COX7B2: variants seen among roughly 807,000 people sequenced by gnomAD.
The protein encoded by COX7B2 is cytochrome c oxidase subunit 7B2, mitochondrial.
For synonymous variants in COX7B2, 37 were observed against 32.1 expected (o/e 1.15, Z -0.51); for missense variants, 109 against 95.9 (o/e 1.14, Z -0.57).
At chr4:46,859,301 G>A (rs1717202023) in intron 1 of COX7B2, among the ~76,000 whole-genome samples, 1 of 152,004 alleles carries the variant, frequency 6.6e-6, no homozygotes. Flanking sequence ...TCACAATGTT[G>A]ACTCAACTGC....
At chr4:46,896,662 G>T (rs986450562) in intron 1 of COX7B2, among the ~76,000 whole-genome samples, 2 of 151,714 alleles carry the variant, frequency 1.3e-5, no homozygotes, top group African/African-American at 4.8e-5. Context: ...AAAAGGACTA[G>T]AAGAACAAGA....
At chr4:46,763,133 T>A (rs1716315554) in intron 2 of COX7B2, among the ~76,000 whole-genome samples, 1 of 94,820 alleles carries the variant, frequency 1.1e-5, no homozygotes, top group African/African-American at 4.0e-5. Context: ...ATAATTATAA[T>A]TGTATAATTA....
intron 2 of COX7B2, among the ~76,000 whole-genome samples, chr4:46,813,739 A>G (rs1013163605): frequency 2.0e-5 from 3 of 152,210 alleles, no homozygotes; most frequent in Non-Finnish European, 2.9e-5. Flanking sequence ...AGAAACAATC[A>G]ACAGAGTAAA....
chr4:46,825,808 G>A (rs576254832), intron 2 of COX7B2, among the ~76,000 whole-genome samples: 1 of 152,226 alleles, frequency 6.6e-6, no homozygotes, highest in East Asian at 1.9e-4. Flanking sequence ...AAATGGCGCT[G>A]GGATAACTGA....
intron 2 of COX7B2, among the ~76,000 whole-genome samples, chr4:46,831,980 A>G (rs1715145169): frequency 2.0e-5 from 3 of 152,044 alleles, no homozygotes; most frequent in Admixed American, 2.0e-4. Context: ...CTAGCTCAGG[A>G]ATGGTAAATG....
intron 1 of COX7B2, among the ~76,000 whole-genome samples, chr4:46,847,582 A>G (rs1458020611): frequency 2.0e-5 from 3 of 152,114 alleles, no homozygotes; most frequent in Non-Finnish European, 2.9e-5. Flanking sequence ...ATTAAAAAAA[A>G]GTCTGTTATT....
At chr4:46,839,239 T>G (rs1715759831) in intron 2 of COX7B2, among the ~76,000 whole-genome samples, 1 of 151,934 alleles carries the variant, frequency 6.6e-6, no homozygotes, top group Non-Finnish European at 1.5e-5. Context: ...CTGCCTGATG[T>G]TTTGATGTCT....
At chr4:46,786,907 A>T (rs1479360778) in intron 2 of COX7B2, among the ~76,000 whole-genome samples, 1 of 152,184 alleles carries the variant, frequency 6.6e-6, no homozygotes, top group African/African-American at 2.4e-5. Flanking sequence ...CTGGGCAAAG[A>T]ACCCACCCTC....
chr4:46,750,043 C>A (rs923759030), intron 2 of COX7B2, among the ~76,000 whole-genome samples: 1 of 152,098 alleles, frequency 6.6e-6, no homozygotes, highest in Non-Finnish European at 1.5e-5. Flanking sequence ...TATGTTCTAT[C>A]CAATTCCACA....
chr4:46,904,882 T>A (rs981850919), intron 1 of COX7B2, among the ~76,000 whole-genome samples: 1 of 152,180 alleles, frequency 6.6e-6, no homozygotes, highest in African/African-American at 2.4e-5. Flanking sequence ...GAACATGGAT[T>A]CCTATTTGTA....
intron 1 of COX7B2, among the ~76,000 whole-genome samples, chr4:46,901,117 A>T (rs997645694): frequency 6.6e-6 from 1 of 152,204 alleles, no homozygotes; most frequent in Admixed American, 6.5e-5. Flanking sequence ...CTGGTTTCAG[A>T]AAAAGCATAT....
chr4:46,763,655 G>T (rs1716355118), intron 2 of COX7B2, among the ~76,000 whole-genome samples: 1 of 152,162 alleles, frequency 6.6e-6, no homozygotes, highest in African/African-American at 2.4e-5. Context: ...CAAATGAAGA[G>T]ATCCAGCAAG....
chr4:46,785,386 T>G (rs1717698592), intron 2 of COX7B2, among the ~76,000 whole-genome samples: 1 of 151,982 alleles, frequency 6.6e-6, no homozygotes, highest in South Asian at 2.1e-4. Context: ...TTTTTTTTTT[T>G]TTTTTGAGAC....
chr4:46,757,271 A>G (rs1237671499), intron 2 of COX7B2, among the ~76,000 whole-genome samples: 2 of 146,106 alleles, frequency 1.4e-5, no homozygotes, highest in African/African-American at 5.0e-5. Context: ...GTACACATGC[A>G]TATACAGAGT....
At chr4:46,791,171 TG>T (rs1718023726) in intron 2 of COX7B2, among the ~76,000 whole-genome samples, 1 of 151,354 alleles carries the variant, frequency 6.6e-6, no homozygotes, top group South Asian at 2.1e-4. Context: ...GCTAATTTTT[TG>T]TATTTTTTTT....
chr4:46,846,927 T>C (rs1308777993), intron 1 of COX7B2, among the ~76,000 whole-genome samples: 6 of 151,732 alleles, frequency 4.0e-5, no homozygotes. Flanking sequence ...AAACAGGTGA[T>C]TGGTGGGAAA....
At chr4:46,766,090 G>C (rs906933760) in intron 2 of COX7B2, among the ~76,000 whole-genome samples, 2 of 152,134 alleles carry the variant, frequency 1.3e-5, no homozygotes, top group Admixed American at 1.3e-4. Context: ...CAACACAAAG[G>C]ATGACAGAGT....
chr4:46,817,588 A>G (rs1456632734), intron 2 of COX7B2, among the ~76,000 whole-genome samples: 1 of 152,232 alleles, frequency 6.6e-6, no homozygotes, highest in East Asian at 1.9e-4. Flanking sequence ...CATTCTGAAT[A>G]ATTACATAAT....
chr4:46,798,885 C>T (rs1168166236), intron 2 of COX7B2, among the ~76,000 whole-genome samples: 1 of 152,174 alleles, frequency 6.6e-6, no homozygotes, highest in African/African-American at 2.4e-5. Context: ...TCTTAGTCTA[C>T]ACCAGTGGCC....
Sources: gnomAD v4.1 joint callset for allele counts (sites outside exome capture counted in the v4.1 genomes callset) on GRCh38, gnomAD v4.1.1 for gene constraint, MANE v1.5 for transcripts, NCBI Gene and HGNC (gene_info 2026-07-23, HGNC 2026-07-21) for gene names.